Variants in ADARB2 observed in about 807,000 individuals in gnomAD.
ADARB2 encodes inactive double-stranded RNA-specific editase B2.
Under a neutral mutation model 62.2 loss-of-function variants are expected in ADARB2, and 25 were observed. That is an observed-to-expected ratio of 0.40 (90% CI 0.29 to 0.56). The LOEUF is 0.56. Among genes scored for constraint, ADARB2 ranks in the 20% least tolerant of loss-of-function variants. The probability of loss-of-function intolerance (pLI) is 0.43; values close to 1 mark genes in which losing one functional copy is unlikely to be tolerated. For synonymous variants in ADARB2, 572 were observed against 500.8 expected, an observed-to-expected ratio of 1.14 and a Z score of -1.90; for missense variants, 1,071 against 1,077.4, an observed-to-expected ratio of 0.99 and a Z score of 0.08.
At chr10:1,266,890 A>T (rs1831209841) in intron 4 of ADARB2, among the ~76,000 whole-genome samples, 1 of 152,208 alleles carries the variant, frequency 6.6e-6, no homozygotes, top group Non-Finnish European at 1.5e-5. Context: ...GGTTGCAAAA[A>T]TTAGGAGGGA....
intron 3 of ADARB2, among the ~76,000 whole-genome samples, chr10:1,323,647 T>A (rs1230854487): frequency 2.0e-5 from 3 of 151,794 alleles, no homozygotes; most frequent in Non-Finnish European, 4.4e-5. Context: ...TAGAGCAGAA[T>A]AGAGAACCCA....
chr10:1,425,426 C>G (rs1439783620), intron 1 of ADARB2, among the ~76,000 whole-genome samples: 1 of 152,210 alleles, frequency 6.6e-6, no homozygotes, highest in Non-Finnish European at 1.5e-5. Context: ...ACAAATGTTG[C>G]TTTGATTGAA....
intron 1 of ADARB2, among the ~76,000 whole-genome samples, chr10:1,547,024 G>T (rs1293413391): frequency 6.6e-6 from 1 of 152,246 alleles, no homozygotes; most frequent in Non-Finnish European, 1.5e-5. Flanking sequence ...GGCAGGAGCA[G>T]ACAGAAGCCA....
At chr10:1,712,865 T>C (rs1400959506) in intron 1 of ADARB2, among the ~76,000 whole-genome samples, 1 of 152,024 alleles carries the variant, frequency 6.6e-6, no homozygotes, top group Non-Finnish European at 1.5e-5. Context: ...TGTCTTGGCC[T>C]CCCAAAGTGC....
chr10:1,371,355 A>G (rs1350711545), intron 2 of ADARB2, among the ~76,000 whole-genome samples: 1 of 152,244 alleles, frequency 6.6e-6, no homozygotes, highest in South Asian at 2.1e-4. Context: ...AAGAAAACCT[A>G]GGAAAAACTT....
At chr10:1,650,652 G>A (rs973079053) in intron 1 of ADARB2, among the ~76,000 whole-genome samples, 2 of 152,130 alleles carry the variant, frequency 1.3e-5, no homozygotes, top group South Asian at 2.1e-4. Context: ...TAAATTAAAC[G>A]GGCACATGAC....
intron 1 of ADARB2, among the ~76,000 whole-genome samples, chr10:1,665,825 AT>A (rs1426957000): frequency 6.6e-6 from 1 of 152,218 alleles, no homozygotes; most frequent in Non-Finnish European, 1.5e-5. Context: ...AGTGGCATGG[AT>A]GCTTCGAAGG....
Position 1,313,128 on chromosome 10 carries a change from C to T in ADARB2, c.1078-42059G>A, listed in dbSNP as rs140128354. ...GGCCTGGTGAGAGCCAGGAACCAGCCGTGGAGTGGGGTGGGAGTGCCCAGG... is the reference window on the plus strand; with the variant it reads ...GGCCTGGTGAGAGCCAGGAACCAGCTGTGGAGTGGGGTGGGAGTGCCCAGG... On this transcript the variant is annotated intron_variant, in intron 3 of 9. Transcript: ENST00000381312. Among the ~76,000 whole-genome samples the T allele has an allele frequency of 2.8e-3, 421 of 152,076 alleles. 2 individuals carry two copies. Among genetic ancestry groups the T allele is most frequent in the South Asian group, 7.7e-3 (37 of 4,812 alleles).
intron 4 of ADARB2, among the ~76,000 whole-genome samples, chr10:1,264,065 G>A (rs369703670): frequency 2.6e-5 from 4 of 151,502 alleles, no homozygotes; most frequent in African/African-American, 7.3e-5. Flanking sequence ...CTCAGCCGTC[G>A]GCCTCCGTGA....
chr10:1,282,270 A>G (rs1831377300), intron 3 of ADARB2, among the ~76,000 whole-genome samples: 1 of 152,228 alleles, frequency 6.6e-6, no homozygotes, highest in African/African-American at 2.4e-5. Flanking sequence ...CTTGGCCACA[A>G]ACCCGTCTTA....
At position 1,646,584 on chromosome 10, in the gene ADARB2, T is replaced by C. The variant is rs1009588581; in HGVS notation, c.100+90467A>G. 4.4e-4 allele frequency among the ~76,000 whole-genome samples: 67 copies of C among 152,220 alleles called. 1 individual carries two copies. The highest frequency in any genetic ancestry group is 1.3e-4 in the Admixed American group (2 of 15,282). ...AATGCAGTCACAGAAGACAGTCAGG[T>C]TGACCCCACTGGCAGCAAAATGCCA... On this transcript the variant is annotated intron_variant, in intron 1 of 9. Transcript: ENST00000381312.
intron 1 of ADARB2, among the ~76,000 whole-genome samples, chr10:1,575,410 T>G (rs1832997168): frequency 6.6e-6 from 1 of 152,166 alleles, no homozygotes; most frequent in Non-Finnish European, 1.5e-5. Context: ...AACTCACAGG[T>G]GGTGATCGTG....
chr10:1,409,202 ACAGCGGGC>A (rs1272671852), intron 1 of ADARB2, among the ~76,000 whole-genome samples: 3 of 91,670 alleles, frequency 3.3e-5, no homozygotes, highest in African/African-American at 9.5e-5. Flanking sequence ...GCCCTGCCTG[ACAGCGGGC>A]TCCCACCTTC....
chr10:1,350,428 T>C (rs529720615), intron 3 of ADARB2, among the ~76,000 whole-genome samples: 1 of 152,224 alleles, frequency 6.6e-6, no homozygotes, highest in East Asian at 1.9e-4. Flanking sequence ...CAATTCTTCA[T>C]CAGCCTCCGC....
At chr10:1,458,855 C>T (rs199990772) in intron 1 of ADARB2, among the ~76,000 whole-genome samples, 19 of 82,548 alleles carry the variant, frequency 2.3e-4, no homozygotes, top group Non-Finnish European at 3.9e-4. Context: ...AAACACTCGA[C>T]GGAACAAACA....
At chr10:1,204,343 G>T (rs963370483) in intron 7 of ADARB2, among the ~76,000 whole-genome samples, 1 of 152,226 alleles carries the variant, frequency 6.6e-6, no homozygotes, top group Non-Finnish European at 1.5e-5. Context: ...CCTGATATAT[G>T]GATGGGGCCA....
intron 8 of ADARB2, chr10:1,187,829 C>T (rs760643859): frequency 9.2e-6 from 4 of 435,654 alleles, no homozygotes; most frequent in South Asian, 6.5e-5. Context: ...TCCAGCCTTG[C>T]ATGGGGGCTT....
rs191868184 is a variant in ADARB2, at chr10:1,680,314, C to T, written c.100+56737G>A. Among the ~76,000 whole-genome samples, 106 of 152,200 alleles carry T rather than the reference C, an allele frequency of 7.0e-4. 1 individual carries two copies. The East Asian group carries it at 0.011, about 16-fold the overall frequency. On this transcript the variant is annotated intron_variant, in intron 1 of 9. Coordinates refer to ENST00000381312, the MANE Select transcript of ADARB2 (RefSeq NM_018702.4). ...TCATCATCCATACTCTGTTCCTGAG[C>T]TCCTCCTTTTCCTCTCCTGCTTGAA...
In ADARB2 at chr10:1,450,579, C is replaced by T. The variant is rs537944226; in HGVS notation, c.101-71419G>A. Among the ~76,000 whole-genome samples the T allele has an allele frequency of 3.3e-5, 5 of 152,356 alleles. No individual in the cohort carries two copies. The East Asian group carries it at 9.6e-4, about 29-fold the overall frequency. On this transcript the variant is annotated intron_variant, in intron 1 of 9. Transcript: ENST00000381312. ...TGCTGGCTCCTTTTGTTGAGGATGT[C>T]TGGTTCTTCCCCAGGGGAAACTGAT... is the stretch of plus-strand genomic sequence containing the variant.
Sources: gnomAD v4.1 joint callset for allele counts (sites outside exome capture counted in the v4.1 genomes callset) on GRCh38, gnomAD v4.1.1 for gene constraint, MANE v1.5 for transcripts, NCBI Gene and HGNC (gene_info 2026-07-23, HGNC 2026-07-21) for gene names.